Variants in OSBPL10 observed in about 807,000 individuals in gnomAD.
OSBPL10 encodes the protein oxysterol-binding protein-related protein 10.
A neutral mutation model predicts 81.7 loss-of-function variants in OSBPL10; 49 were observed. The ratio of observed to expected loss-of-function variants is 0.60; its 90% CI spans 0.48 to 0.76. OSBPL10 has a LOEUF of 0.76. Among genes scored for constraint, OSBPL10 ranks in the 30% least tolerant of loss-of-function variants. OSBPL10 has a pLI of 0.00. For synonymous variants in OSBPL10, 419 were observed against 383.6 expected, an observed-to-expected ratio of 1.09 and a Z score of -1.08; for missense variants, 923 against 987.8, an observed-to-expected ratio of 0.93 and a Z score of 0.88.
At chr3:32,015,992 T>C (rs1013763720) in intron 2 of OSBPL10, among the ~76,000 whole-genome samples, 10 of 152,334 alleles carry the variant, frequency 6.6e-5, no homozygotes, top group African/African-American at 2.4e-4. Flanking sequence ...TTTTACACTG[T>C]TGGTGGGACT....
At chr3:31,994,351 A>C (rs1699066177) in intron 2 of OSBPL10, among the ~76,000 whole-genome samples, 1 of 152,216 alleles carries the variant, frequency 6.6e-6, no homozygotes, top group African/African-American at 2.4e-5. Context: ...ATAGAAACTC[A>C]TAGACTGTCC....
intron 1 of OSBPL10, among the ~76,000 whole-genome samples, chr3:31,971,138 T>C (rs1269014680): frequency 7.9e-6 from 1 of 125,934 alleles, no homozygotes; most frequent in Admixed American, 8.0e-5. Context: ...TTTTCTTTTT[T>C]CTTTTTTTTT....
rs1363565613 is a variant in OSBPL10 at position 31,744,027 on chromosome 3, T to G, written c.940+3883A>C. The stretch of plus-strand genomic sequence containing the variant: ...GAATTCTATTTTAACTGCAGCCAAC[T>G]ATGATGCTTTTCCTGCAAGAAGTAA... On this transcript the variant is annotated intron_variant, in intron 5 of 11. Coordinates refer to ENST00000396556, the MANE Select transcript of OSBPL10 (RefSeq NM_017784.5). Among the ~76,000 whole-genome samples, 7 of 152,216 alleles carry G rather than the reference T, an allele frequency of 4.6e-5. No individual in the cohort carries two copies. In the South Asian group the frequency reaches 1.2e-3, roughly 27 times the overall value.
chr3:32,068,301 C>G (rs530961138), intron 1 of OSBPL10, among the ~76,000 whole-genome samples: 1 of 152,306 alleles, frequency 6.6e-6, no homozygotes, highest in Admixed American at 6.5e-5. Context: ...GGTGTCTGAT[C>G]ACCGCAGGGA....
At chr3:31,714,962 T>C (rs1392146434) in intron 6 of OSBPL10, 1 of 134,070 alleles carries the variant, frequency 7.5e-6, no homozygotes, top group African/African-American at 3.2e-5. Flanking sequence ...CAGGATCTCC[T>C]GAGGGCTGTG....
intron 2 of OSBPL10, among the ~76,000 whole-genome samples, chr3:32,025,143 C>T (rs867423339): frequency 9.2e-5 from 14 of 152,124 alleles, no homozygotes; most frequent in South Asian, 4.2e-4. Flanking sequence ...TTTGTAGATG[C>T]CTTTATCAGA....
chr3:31,931,077 CATAGGCATTCA>C (rs1191106462), intron 1 of OSBPL10, among the ~76,000 whole-genome samples: 1 of 142,100 alleles, frequency 7.0e-6, no homozygotes, highest in Non-Finnish European at 1.5e-5. Context: ...TATCTGCTTA[CATAGGCATTCA>C]ATATCTCTGG....
chr3:31,844,084 A>G (rs1349358920), intron 3 of OSBPL10, among the ~76,000 whole-genome samples: 1 of 152,250 alleles, frequency 6.6e-6, no homozygotes, highest in African/African-American at 2.4e-5. Flanking sequence ...CTAACATTTT[A>G]CACCGTAGGT....
chr3:31,689,537 T>G (rs559911846), intron 7 of OSBPL10, among the ~76,000 whole-genome samples: 1 of 152,310 alleles, frequency 6.6e-6, no homozygotes, highest in East Asian at 1.9e-4. Flanking sequence ...TATGATATGG[T>G]TTGGCTGTGT....
At position 31,716,370 on chromosome 3, in the gene OSBPL10, C is replaced by G. The variant is rs541184098; in HGVS notation, c.1096-13862G>C. The stretch of plus-strand genomic sequence containing the variant: ...TAACTATAATGACATTATTGTACAA[C>G]AGATCTCTAGGACTTTTTCATCCTG... On this transcript the variant is annotated intron_variant, in intron 6 of 11. Coordinates refer to ENST00000396556, the MANE Select transcript of OSBPL10 (RefSeq NM_017784.5). 2.6e-5 allele frequency among the ~76,000 whole-genome samples: 4 copies of G among 152,278 alleles called. No homozygotes were observed. In the East Asian group the frequency reaches 7.7e-4, roughly 29 times the overall value.
At chr3:31,943,060 G>C (rs1455047605) in intron 1 of OSBPL10, among the ~76,000 whole-genome samples, 1 of 152,092 alleles carries the variant, frequency 6.6e-6, no homozygotes, top group Non-Finnish European at 1.5e-5. Context: ...CTTCCTCTAT[G>C]AATCTGGCTA....
chr3:31,866,438 G>C (rs1324241729), intron 3 of OSBPL10, among the ~76,000 whole-genome samples: 1 of 152,138 alleles, frequency 6.6e-6, no homozygotes, highest in Non-Finnish European at 1.5e-5. Context: ...ACAGCCTTCA[G>C]GAAGAGAAGA....
chr3:31,725,086 A>C (rs978222793), intron 6 of OSBPL10, among the ~76,000 whole-genome samples: 10 of 152,242 alleles, frequency 6.6e-5, no homozygotes, highest in African/African-American at 2.4e-4. Flanking sequence ...ATACAGAATA[A>C]TTATAACTAT....
intron 4 of OSBPL10, among the ~76,000 whole-genome samples, chr3:31,813,983 G>A (rs1192752716): frequency 9.2e-5 from 14 of 152,176 alleles, no homozygotes; most frequent in Admixed American, 3.9e-4. Context: ...CCCTGTCCAC[G>A]GCTTAAACAA....
intron 2 of OSBPL10, among the ~76,000 whole-genome samples, chr3:32,029,108 A>G (rs917240543): frequency 3.9e-5 from 6 of 152,078 alleles, no homozygotes; most frequent in Non-Finnish European, 8.8e-5. Flanking sequence ...AACACCTGAA[A>G]CTGGTGATCA....
At chr3:31,825,140 A>G (rs1300821829) in intron 4 of OSBPL10, among the ~76,000 whole-genome samples, 1 of 151,968 alleles carries the variant, frequency 6.6e-6, no homozygotes, top group African/African-American at 2.4e-5. Context: ...AGGTTTGGGG[A>G]TTTTTTTGTT....
At chr3:31,774,778 T>G (rs1296891452) in intron 4 of OSBPL10, among the ~76,000 whole-genome samples, 1 of 151,074 alleles carries the variant, frequency 6.6e-6, no homozygotes, top group Non-Finnish European at 1.5e-5. Context: ...CCCAAAGTGC[T>G]GGGATTACAG....
In OSBPL10 at chr3:31,683,997, C is replaced by T; in HGVS notation, c.1363G>A (p.Val455Ile). Residue 455 changes from valine to isoleucine, a missense_variant, in exon 8 of 12, where the codon GTC (valine) becomes ATC (isoleucine). Physicochemically the swap from Val to Ile is conservative, Grantham distance 29 (BLOSUM62 3). Transcript: ENST00000396556. ...ITAGATPEER[V>I]ICFVEYYLTA... ...AGATAATACTCAACGAAGCAAATGACTCTCTCCTCTGGTGTGGCCCCAGCG... is the reference window on the plus strand; with the variant it reads ...AGATAATACTCAACGAAGCAAATGATTCTCTCCTCTGGTGTGGCCCCAGCG... The T allele has an allele frequency of 1.2e-6, 2 of 1,614,236 alleles. No homozygotes were observed. Among genetic ancestry groups the T allele is most frequent in the Non-Finnish European group, 1.7e-6 (2 of 1,180,044 alleles).
chr3:32,038,198 A>G (rs887759429), intron 2 of OSBPL10, among the ~76,000 whole-genome samples: 1 of 152,236 alleles, frequency 6.6e-6, no homozygotes, highest in Non-Finnish European at 1.5e-5. Context: ...TACCTGCTGC[A>G]TACAATACAT....
Sources: gnomAD v4.1 joint callset for allele counts (sites outside exome capture counted in the v4.1 genomes callset) on GRCh38, gnomAD v4.1.1 for gene constraint, MANE v1.5 for transcripts, NCBI Gene and HGNC (gene_info 2026-07-23, HGNC 2026-07-21) for gene names.